ASCC3: variants seen among roughly 807,000 people sequenced by gnomAD.
ASCC3 encodes activating signal cointegrator 1 complex subunit 3.
In ASCC3, 158 loss-of-function variants were observed where a neutral mutation model predicts 256.3. The ratio of observed to expected loss-of-function variants is 0.62; its 90% CI spans 0.54 to 0.70. ASCC3 has a LOEUF of 0.70. Ranked by LOEUF, ASCC3 falls within the 30% of genes least tolerant of loss-of-function variation. The probability of loss-of-function intolerance (pLI) is 0.00; values close to 1 mark genes in which losing one functional copy is unlikely to be tolerated. For missense variants in ASCC3, 2,259 were observed against 2,626.0 expected, an observed-to-expected ratio of 0.86 and a Z score of 3.05; for synonymous variants, 948 against 883.4, an observed-to-expected ratio of 1.07 and a Z score of -1.30.
intron 24 of ASCC3, 44 bp downstream of exon 24, chr6:100,642,537 A>C: frequency 6.2e-7 from 1 of 1,603,722 alleles, no homozygotes; most frequent in Non-Finnish European, 8.5e-7. Context: ...TAAAACAACC[A>C]TTTTGGAAAA....
chr6:100,598,947 G>A (rs181969188), intron 34 of ASCC3, among the ~76,000 whole-genome samples: 1 of 152,242 alleles, frequency 6.6e-6, no homozygotes, highest in Admixed American at 6.5e-5. Context: ...AGATCAAAAA[G>A]CAAACTTGGG....
intron 8 of ASCC3, among the ~76,000 whole-genome samples, chr6:100,782,424 T>C (rs1446443968): frequency 6.6e-6 from 1 of 152,200 alleles, no homozygotes; most frequent in Non-Finnish European, 1.5e-5. Flanking sequence ...CACAAATAAA[T>C]ACTTTCTAGT....
intron 36 of ASCC3, among the ~76,000 whole-genome samples, chr6:100,554,068 G>A (rs970274600): frequency 1.3e-5 from 2 of 152,052 alleles, no homozygotes; most frequent in Non-Finnish European, 1.5e-5. Flanking sequence ...TTAAAGCTCT[G>A]GTAGTTTTAT....
intron 40 of ASCC3, among the ~76,000 whole-genome samples, chr6:100,512,378 A>C (rs985765014): frequency 1.3e-5 from 2 of 152,146 alleles, no homozygotes; most frequent in Non-Finnish European, 2.9e-5. Context: ...CGCCTCCTTG[A>C]GGTTCTGATT....
intron 34 of ASCC3, among the ~76,000 whole-genome samples, chr6:100,594,112 T>C (rs1438945521): frequency 6.6e-6 from 1 of 152,134 alleles, no homozygotes; most frequent in Non-Finnish European, 1.5e-5. Flanking sequence ...ACTTTTGGTG[T>C]GCTGTGGCGA....
intron 10 of ASCC3, among the ~76,000 whole-genome samples, chr6:100,739,664 G>T (rs12210255): frequency 2.9e-4 from 44 of 151,890 alleles, no homozygotes; most frequent in African/African-American, 1.0e-3. Flanking sequence ...TCTAGTTTTG[G>T]GAAGGTATAT....
chr6:100,858,828 T>C (rs1463426862), intron 3 of ASCC3: 2 of 611,862 alleles, frequency 3.3e-6, no homozygotes, highest in Non-Finnish European at 4.8e-6. Context: ...CAGCCCATAT[T>C]CAGATTTCTC....
chr6:100,710,357 C>A (rs535757550), intron 13 of ASCC3, among the ~76,000 whole-genome samples: 2 of 152,284 alleles, frequency 1.3e-5, no homozygotes, highest in East Asian at 3.9e-4. Flanking sequence ...CAACCAGCCC[C>A]TGGTAACCTG....
intron 4 of ASCC3, among the ~76,000 whole-genome samples, chr6:100,815,666 A>G (rs1770709842): frequency 6.6e-6 from 1 of 152,154 alleles, no homozygotes; most frequent in Non-Finnish European, 1.5e-5. Flanking sequence ...GGAATGGGGA[A>G]AAGACTCCAT....
intron 14 of ASCC3, among the ~76,000 whole-genome samples, chr6:100,679,082 T>C (rs1452343382): frequency 6.6e-6 from 1 of 152,166 alleles, no homozygotes; most frequent in African/African-American, 2.4e-5. Context: ...CGAGTCCGGG[T>C]TGGGGCCTAA....
At chr6:100,520,206 G>T (rs1774232986) in intron 37 of ASCC3, among the ~76,000 whole-genome samples, 1 of 152,100 alleles carries the variant, frequency 6.6e-6, no homozygotes, top group South Asian at 2.1e-4. Flanking sequence ...GAAGGTAAAA[G>T]TGATCATATC....
chr6:100,683,428 AT>A (rs1777402774), intron 13 of ASCC3, among the ~76,000 whole-genome samples: 1 of 152,130 alleles, frequency 6.6e-6, no homozygotes, highest in African/African-American at 2.4e-5. Context: ...TAACAATTTC[AT>A]TTTATTAAGG....
intron 18 of ASCC3, among the ~76,000 whole-genome samples, chr6:100,652,267 A>T (rs1359270878): frequency 2.0e-5 from 3 of 152,174 alleles, no homozygotes; most frequent in Non-Finnish European, 4.4e-5. Context: ...AAATGAGTGG[A>T]TGTGAATAGG....
chr6:100,852,667 T>C (rs891812134), intron 3 of ASCC3, among the ~76,000 whole-genome samples: 7 of 152,176 alleles, frequency 4.6e-5, no homozygotes, highest in Non-Finnish European at 5.9e-5. Context: ...CACAGATAAA[T>C]TGATACACTA....
intron 13 of ASCC3, among the ~76,000 whole-genome samples, chr6:100,690,714 C>T (rs10485138): frequency 0.028 from 4,283 of 152,128 alleles, 176 homozygotes; most frequent in East Asian, 0.19. Context: ...AATTCACTGA[C>T]TAGTCTTCAT....
At chr6:100,783,927 G>C (rs1245150329) in intron 8 of ASCC3, among the ~76,000 whole-genome samples, 1 of 152,086 alleles carries the variant, frequency 6.6e-6, no homozygotes, top group South Asian at 2.1e-4. Context: ...TTATGCGGTA[G>C]GTCTTTTTAT....
chr6:100,747,719 G>A (rs1340363863), intron 10 of ASCC3, among the ~76,000 whole-genome samples: 1 of 152,096 alleles, frequency 6.6e-6, no homozygotes, highest in East Asian at 1.9e-4. Flanking sequence ...ATGGGTGTTT[G>A]AGGACAGCAG....
intron 1 of ASCC3, among the ~76,000 whole-genome samples, chr6:100,868,539 C>T (rs1176289909): frequency 2.6e-5 from 4 of 152,194 alleles, no homozygotes; most frequent in Admixed American, 2.0e-4. Flanking sequence ...GCGACCCAGT[C>T]GCTGTCTATC....
At chr6:100,850,109 AAAAAAAAAAAAG>A (rs1446027815) in intron 3 of ASCC3, among the ~76,000 whole-genome samples, 91 of 150,986 alleles carry the variant, frequency 6.0e-4, no homozygotes, top group African/African-American at 2.1e-3. Context: ...AAAAAAAAAA[AAAAAAAAAAAAG>A]AAGGAAACAT....
Sources: gnomAD v4.1 joint callset for allele counts (sites outside exome capture counted in the v4.1 genomes callset) on GRCh38, gnomAD v4.1.1 for gene constraint, MANE v1.5 for transcripts, NCBI Gene and HGNC (gene_info 2026-07-23, HGNC 2026-07-21) for gene names.